The following RIDA variants were observed in gnomAD, a reference collection of about 807,000 sequenced individuals.
RIDA encodes 2-iminobutanoate/2-iminopropanoate deaminase.
RIDA carries 17 observed loss-of-function variants against 17.8 expected under a neutral mutation model. The observed-to-expected ratio is 0.96, with a 90% confidence interval of 0.65 to 1.43. The LOEUF (loss-of-function observed/expected upper bound fraction) is 1.43. Among genes scored for constraint, RIDA ranks in the 40% most tolerant of loss-of-function variants. The probability of loss-of-function intolerance (pLI) is 0.00; values close to 1 mark genes in which losing one functional copy is unlikely to be tolerated. For missense variants in RIDA, 158 were observed against 161.7 expected (o/e 0.98, Z 0.12); for synonymous variants, 48 against 55.7 (o/e 0.86, Z 0.62).
intron 2 of RIDA, among the ~76,000 whole-genome samples, chr8:98,107,601 T>G (rs1305681119): frequency 6.6e-6 from 1 of 152,100 alleles, no homozygotes; most frequent in African/African-American, 2.4e-5. Flanking sequence ...ATTGTTTTAT[T>G]TTATTTTATT....
chr8:98,115,388 CAAAAAAA>C (rs766262204), intron 1 of RIDA, among the ~76,000 whole-genome samples: 1 of 41,136 alleles, frequency 2.4e-5, no homozygotes, highest in Admixed American at 3.1e-4. Flanking sequence ...ACTCTGCCTC[CAAAAAAA>C]AAAAAAAAAA....
intron 1 of RIDA, among the ~76,000 whole-genome samples, chr8:98,116,748 C>T (rs1028241846): frequency 4.6e-5 from 7 of 152,192 alleles, no homozygotes; most frequent in Non-Finnish European, 1.0e-4. Context: ...ACGACCCCCT[C>T]CCCCAAAACA....
chr8:98,115,748 A>T (rs1454970183), intron 1 of RIDA, among the ~76,000 whole-genome samples: 2 of 152,168 alleles, frequency 1.3e-5, no homozygotes, highest in Admixed American at 6.5e-5. Context: ...GCCAACTGCA[A>T]TATCTAGCTA....
intron 1 of RIDA, among the ~76,000 whole-genome samples, chr8:98,113,020 G>A (rs1815749886): frequency 6.6e-6 from 1 of 152,194 alleles, no homozygotes; most frequent in Non-Finnish European, 1.5e-5. Context: ...AAGACAAGTG[G>A]TTGGACTTCA....
chr8:98,109,181 G>A (rs1465060516), intron 1 of RIDA, among the ~76,000 whole-genome samples: 1 of 152,108 alleles, frequency 6.6e-6, no homozygotes. Context: ...GTGGCACTGA[G>A]TAACAGAGAA....
chr8:98,104,445 A>G (rs762756336), intron 5 of RIDA, 44 bp downstream of exon 5: 5 of 1,193,542 alleles, frequency 4.2e-6, no homozygotes, highest in Middle Eastern at 1.9e-4. Flanking sequence ...AAAACAATGT[A>G]GAAACTGAAA....
intron 5 of RIDA, among the ~76,000 whole-genome samples, chr8:98,103,832 G>A (rs1168887205): frequency 3.3e-5 from 5 of 151,962 alleles, no homozygotes; most frequent in Admixed American, 2.6e-4. Context: ...GTAGAGACGG[G>A]TTTCACCATG....
At chr8:98,105,275 C>T (rs1815618056) in intron 4 of RIDA, among the ~76,000 whole-genome samples, 1 of 152,076 alleles carries the variant, frequency 6.6e-6, no homozygotes, top group Admixed American at 6.6e-5. Context: ...AGTACTTCCT[C>T]TGCCAACTTT....
At chr8:98,104,334 G>C (rs1171885987) in intron 5 of RIDA, among the ~76,000 whole-genome samples, 155 bp downstream of exon 5, 2 of 152,084 alleles carry the variant, frequency 1.3e-5, no homozygotes, top group East Asian at 3.9e-4. Flanking sequence ...CGATCCTCCT[G>C]TGTTGGCCTC....
At chr8:98,105,815 T>A in intron 4 of RIDA, 123 bp downstream of exon 4, 1 of 614,514 alleles carries the variant, frequency 1.6e-6, no homozygotes, top group Non-Finnish European at 2.9e-6. Context: ...TTAATTCTTT[T>A]AAGATCTATG....
At chr8:98,115,502 A>C (rs1055729911) in intron 1 of RIDA, among the ~76,000 whole-genome samples, 1 of 152,038 alleles carries the variant, frequency 6.6e-6, no homozygotes, top group Non-Finnish European at 1.5e-5. Context: ...AGGAGAAAAA[A>C]AATCATCTTT....
At position 98,106,286 on chromosome 8, in the gene RIDA, C is replaced by T. The variant is rs1340338282; in HGVS notation, c.212G>A (p.Cys71Tyr). The T allele has an allele frequency of 3.7e-6, 6 of 1,613,834 alleles. No homozygotes were observed. The highest frequency in any genetic ancestry group is 4.2e-6 in the Non-Finnish European group (5 of 1,179,812). ...AAATTGCTCACCGTTAGTGAAGTCA[C>T]AGCCTGCAGCTTTCAGAATTTCACC... Reference protein sequence around the residue: ...NMGEILKAAGCDFTNVVKTTV... With the variant: ...NMGEILKAAGYDFTNVVKTTV... Residue 71 changes from cysteine (C) to tyrosine (Y), a missense_variant, in exon 3 of 6, where the codon TGT becomes TAT. Physicochemically the swap from Cys to Tyr is radical, Grantham distance 194. Coordinates refer to ENST00000254878, the MANE Select transcript of RIDA (RefSeq NM_005836.3).
Position 98,102,837 on chromosome 8 carries a change from C to T in RIDA, c.*5G>A, listed in dbSNP as rs747108821. ...CAATTCCAGACTACACAGCACTGGG[C>T]CCACTTATAGTGATGCCGTTGTCAG... is the stretch of plus-strand genomic sequence containing the variant. On this transcript the variant is annotated 3_prime_UTR_variant, in exon 6 of 6. Transcript: ENST00000254878. The T allele has an allele frequency of 3.1e-6, 5 of 1,603,438 alleles. No homozygotes were observed. The highest frequency in any genetic ancestry group is 4.3e-6 in the Non-Finnish European group (5 of 1,171,646).
In RIDA at chr8:98,117,127, G is replaced by T; in HGVS notation, c.-31C>A. The T allele has an allele frequency of 6.2e-7, 1 of 1,606,716 alleles. No homozygotes were observed. The highest frequency in any genetic ancestry group is 8.5e-7 in the Non-Finnish European group (1 of 1,173,232). On this transcript the variant is annotated 5_prime_UTR_variant, in exon 1 of 6. The change creates a new upstream start codon in the 5' untranslated region. Coordinates refer to ENST00000254878, the MANE Select transcript of RIDA (RefSeq NM_005836.3). ...AGCCTTCCCTCTTGCAGCCCCTTCAGGAGAAGAAGCCCCAGCACCAGCCCT... is the reference window on the plus strand; with the variant it reads ...AGCCTTCCCTCTTGCAGCCCCTTCATGAGAAGAAGCCCCAGCACCAGCCCT...
Position 98,102,704 on chromosome 8 carries a change from ATTTCCATAATAGCTTCAGATATT to A in RIDA, c.*115_*137del, listed in dbSNP as rs1586213117. 9.6e-5 allele frequency: 58 copies of A among 605,714 alleles called. No individual in the cohort carries two copies. The East Asian group carries it at 1.5e-3, about 16-fold the overall frequency. 37.5% of individuals were successfully genotyped at this position (605,714 alleles called of 1,614,324 possible). ...TGTTCAACTCTCCCTATTACATGGTATTTCCATAATAGCTTCAGATATTTTCATCAAACTCACACTGTCATCAA... is the reference window on the plus strand; with the variant it reads ...TGTTCAACTCTCCCTATTACATGGTATTCATCAAACTCACACTGTCATCAA... On this transcript the variant is annotated 3_prime_UTR_variant, in exon 6 of 6. Coordinates refer to ENST00000254878, the MANE Select transcript of RIDA (RefSeq NM_005836.3).
intron 5 of RIDA, 63 bp from the exon 6 acceptor site, chr8:98,102,967 C>T (rs868858968): frequency 1.3e-5 from 15 of 1,134,310 alleles, no homozygotes; most frequent in Non-Finnish European, 1.8e-5. Flanking sequence ...TCTATAATAC[C>T]TACTAAAAAC....
intron 4 of RIDA, among the ~76,000 whole-genome samples, chr8:98,105,120 CAAAAAAAAAAAA>C (rs11354936): frequency 1.1e-5 from 1 of 88,058 alleles, no homozygotes. Context: ...AGCTTTCTGG[CAAAAAAAAAAAA>C]AAAAAAAAAA....
intron 1 of RIDA, among the ~76,000 whole-genome samples, chr8:98,111,948 A>G (rs925485855): frequency 6.6e-6 from 1 of 152,082 alleles, no homozygotes; most frequent in Non-Finnish European, 1.5e-5. Context: ...CAGTTTTTTT[A>G]ATGAACAGAT....
intron 1 of RIDA, among the ~76,000 whole-genome samples, chr8:98,109,888 A>G (rs1815694378): frequency 6.6e-6 from 1 of 152,198 alleles, no homozygotes; most frequent in South Asian, 2.1e-4. Flanking sequence ...AAGTGCTGGG[A>G]TTACAGGCTT....
Sources: allele counts gnomAD v4.1 joint callset (sites outside exome capture counted in the v4.1 genomes callset), GRCh38; gene constraint gnomAD v4.1.1; transcripts MANE v1.5; gene names NCBI Gene and HGNC (gene_info 2026-07-23, HGNC 2026-07-21).